The following CLVS1 variants were observed in gnomAD, a reference collection of about 807,000 sequenced individuals.
CLVS1 encodes clavesin-1.
In CLVS1, 10 loss-of-function variants were observed where a neutral mutation model predicts 33.1. The ratio of observed to expected loss-of-function variants is 0.30; its 90% confidence interval spans 0.19 to 0.51. The LOEUF (loss-of-function observed/expected upper bound fraction) is 0.51. Ranked by LOEUF, CLVS1 falls within the 20% of genes least tolerant of loss-of-function variation. The pLI is 0.97. For synonymous variants in CLVS1, 163 were observed against 166.1 expected (o/e 0.98, Z 0.14); for missense variants, 343 against 433.4 (o/e 0.79, Z 1.85).
At chr8:61,148,246 G>T (rs1415388738) in intron 2 of CLVS1, among the ~76,000 whole-genome samples, 1 of 152,212 alleles carries the variant, frequency 6.6e-6, no homozygotes, top group Non-Finnish European at 1.5e-5. Flanking sequence ...ATCAGTAACT[G>T]CTTGAATACT....
intron 2 of CLVS1, among the ~76,000 whole-genome samples, chr8:61,351,252 T>C (rs1473119258): frequency 2.0e-5 from 3 of 152,084 alleles, no homozygotes; most frequent in African/African-American, 7.2e-5. Flanking sequence ...CAAGTGGAAA[T>C]TATGGAACTG....
chr8:61,138,837 C>G (rs1806244905), intron 2 of CLVS1, among the ~76,000 whole-genome samples: 1 of 152,258 alleles, frequency 6.6e-6, no homozygotes, highest in African/African-American at 2.4e-5. Context: ...AGCTGGAAAT[C>G]TTGCATTCAC....
intron 4 of CLVS1, among the ~76,000 whole-genome samples, chr8:61,454,612 A>G (rs892748292): frequency 3.9e-5 from 6 of 152,226 alleles, no homozygotes; most frequent in African/African-American, 1.4e-4. Context: ...CTGCAAATGT[A>G]TTAGTGCTAT....
chr8:61,234,314 T>C (rs1176456292), intron 2 of CLVS1, among the ~76,000 whole-genome samples: 2 of 152,204 alleles, frequency 1.3e-5, no homozygotes, highest in Non-Finnish European at 2.9e-5. Context: ...ACGTCACTTG[T>C]TCTGCTGTGT....
intron 2 of CLVS1, among the ~76,000 whole-genome samples, chr8:61,164,071 C>T (rs1480375567): frequency 4.6e-5 from 7 of 152,150 alleles, no homozygotes; most frequent in South Asian, 4.1e-4. Flanking sequence ...TGCTCTCAGG[C>T]GATAGATGAT....
intron 2 of CLVS1, among the ~76,000 whole-genome samples, chr8:61,181,870 T>A (rs1166930487): frequency 6.6e-6 from 1 of 151,942 alleles, no homozygotes; most frequent in Non-Finnish European, 1.5e-5. Context: ...CGGCTAATTT[T>A]TTTGTATTTT....
At chr8:61,164,876 G>A (rs1469639529) in intron 2 of CLVS1, among the ~76,000 whole-genome samples, 1 of 152,134 alleles carries the variant, frequency 6.6e-6, no homozygotes, top group Admixed American at 6.5e-5. Context: ...CAAGAACCCT[G>A]ATGTTCCTCC....
intron 1 of CLVS1, among the ~76,000 whole-genome samples, chr8:61,100,135 T>C (rs1805422597): frequency 6.6e-6 from 1 of 152,164 alleles, no homozygotes; most frequent in Admixed American, 6.5e-5. Context: ...AAGGCTCCTT[T>C]CAAGGTATTT....
At chr8:61,439,027 A>G (rs1816444991) in intron 3 of CLVS1, among the ~76,000 whole-genome samples, 2 of 152,176 alleles carry the variant, frequency 1.3e-5, no homozygotes, top group Admixed American at 1.3e-4. Flanking sequence ...CACACTAAAG[A>G]TATTTGTGTG....
At chr8:61,177,465 C>G (rs1305229384) in intron 2 of CLVS1, among the ~76,000 whole-genome samples, 1 of 152,202 alleles carries the variant, frequency 6.6e-6, no homozygotes, top group Admixed American at 6.5e-5. Context: ...GGCACACCCT[C>G]TCCACCGAGG....
At chr8:61,242,993 G>A (rs1244895714) in intron 2 of CLVS1, among the ~76,000 whole-genome samples, 1 of 150,724 alleles carries the variant, frequency 6.6e-6, no homozygotes, top group Non-Finnish European at 1.5e-5. Flanking sequence ...TTTAACAATA[G>A]GCTTCATTTT....
At chr8:61,032,014 A>G in the CLVS1 span, among the ~76,000 whole-genome samples, 2,219 of 152,352 alleles carry the variant, frequency 0.015, 60 homozygotes, top group African/African-American at 0.05. Context: ...TTTGGTTTTC[A>G]GACAAAGAAA....
chr8:61,352,177 GA>G (rs1812498551), intron 2 of CLVS1, among the ~76,000 whole-genome samples: 1 of 151,936 alleles, frequency 6.6e-6, no homozygotes, highest in African/African-American at 2.4e-5. Context: ...TACTTCATTG[GA>G]AAAGGTAAAA....
chr8:61,250,819 A>T (rs1456753546), intron 2 of CLVS1, among the ~76,000 whole-genome samples: 1 of 152,206 alleles, frequency 6.6e-6, no homozygotes. Flanking sequence ...TTTAGGGCTG[A>T]GAGGATGGGG....
intron 3 of CLVS1, among the ~76,000 whole-genome samples, chr8:61,400,305 G>C (rs563308673): frequency 6.6e-6 from 1 of 152,270 alleles, no homozygotes; most frequent in South Asian, 2.1e-4. Context: ...ATTGTGAATT[G>C]AGTTCATTCA....
intron 2 of CLVS1, among the ~76,000 whole-genome samples, chr8:61,169,096 C>T (rs184954785): frequency 2.6e-5 from 4 of 151,804 alleles, no homozygotes; most frequent in African/African-American, 7.2e-5. Context: ...TTAGTGGTAT[C>T]CTTTGCCACT....
intron 3 of CLVS1, among the ~76,000 whole-genome samples, chr8:61,381,402 TA>T (rs1435463812): frequency 2.0e-5 from 3 of 152,220 alleles, no homozygotes; most frequent in Admixed American, 6.5e-5. Context: ...TTTATTTAAT[TA>T]TTTTTTTGTG....
chr8:61,155,467 C>T (rs1464107898), intron 2 of CLVS1, among the ~76,000 whole-genome samples: 1 of 152,172 alleles, frequency 6.6e-6, no homozygotes, highest in African/African-American at 2.4e-5. Context: ...TCCTCTTATG[C>T]TTTGGGATAA....
upstream of CLVS1, among the ~76,000 whole-genome samples, chr8:61,286,319 A>G (rs1809779426): frequency 6.6e-6 from 1 of 152,324 alleles, no homozygotes; most frequent in Admixed American, 6.5e-5. Context: ...TGATCAGCCA[A>G]TATTTCTGCA....
Sources: gnomAD v4.1 joint callset for allele counts (sites outside exome capture counted in the v4.1 genomes callset) on GRCh38, gnomAD v4.1.1 for gene constraint, MANE v1.5 for transcripts, NCBI Gene and HGNC (gene_info 2026-07-23, HGNC 2026-07-21) for gene names.